WWOX: variants seen among roughly 807,000 people sequenced by gnomAD.
The protein encoded by WWOX is WW domain-containing oxidoreductase.
A neutral mutation model predicts 46.2 loss-of-function variants in WWOX; 69 were observed. The ratio of observed to expected loss-of-function variants is 1.49; its 90% CI spans 1.23 to 1.82. The LOEUF (loss-of-function observed/expected upper bound fraction) is 1.82. Among genes scored for constraint, WWOX ranks in the 40% most tolerant of loss-of-function variants. The pLI, the probability that WWOX is intolerant of heterozygous loss-of-function variation, is 0.00. For synonymous variants in WWOX, 359 were observed against 202.6 expected, an observed-to-expected ratio of 1.77 and a Z score of -6.56; for missense variants, 919 against 542.6, an observed-to-expected ratio of 1.69 and a Z score of -6.89.
At chr16:78,446,777 C>G (rs770529709) in intron 8 of WWOX, among the ~76,000 whole-genome samples, 4 of 149,102 alleles carry the variant, frequency 2.7e-5, no homozygotes, top group African/African-American at 9.9e-5. Flanking sequence ...TCTCCAGTCT[C>G]AGCCTCCTCA....
At chr16:78,240,341 A>T (rs1042517320) in intron 5 of WWOX, among the ~76,000 whole-genome samples, 1 of 151,978 alleles carries the variant, frequency 6.6e-6, no homozygotes, top group African/African-American at 2.4e-5. Flanking sequence ...CAAAAGACAA[A>T]ACAGAAAAAG....
intron 8 of WWOX, among the ~76,000 whole-genome samples, chr16:79,183,151 A>G (rs886926043): frequency 3.9e-5 from 6 of 152,240 alleles, no homozygotes; most frequent in Admixed American, 1.3e-4. Context: ...CGAGGGGAGA[A>G]GGCGTGAGCA....
At chr16:78,263,384 C>T (rs1795033673) in intron 5 of WWOX, among the ~76,000 whole-genome samples, 1 of 152,134 alleles carries the variant, frequency 6.6e-6, no homozygotes, top group Admixed American at 6.5e-5. Flanking sequence ...TGTGCTCACC[C>T]CTTAATTCAG....
Position 79,212,075 on chromosome 16 carries a change from C to T in WWOX, c.*279C>T, listed in dbSNP as rs140398425. On this transcript the variant is annotated 3_prime_UTR_variant, in exon 9 of 9. Coordinates refer to ENST00000566780, the MANE Select transcript of WWOX (RefSeq NM_016373.4). ...AAAAACCTGCTTGGTGTGTAGGTTC[C>T]GTATCTCCCTGGAGAAGCACCAGCA... 156 of 1,536,374 alleles carry T rather than the reference C, an allele frequency of 1.0e-4. No individual in the cohort carries two copies. The highest frequency in any genetic ancestry group is 6.7e-4 in the Middle Eastern group (4 of 5,992).
At chr16:78,947,116 G>GA (rs1232739272) in intron 8 of WWOX, among the ~76,000 whole-genome samples, 3 of 149,318 alleles carry the variant, frequency 2.0e-5, no homozygotes, top group Admixed American at 6.6e-5. Context: ...AAAAAAAAGA[G>GA]GGGGAAAAAG....
chr16:78,440,687 G>C (rs1489139318), intron 8 of WWOX, among the ~76,000 whole-genome samples: 4 of 151,582 alleles, frequency 2.6e-5, no homozygotes, highest in Admixed American at 2.6e-4. Context: ...CACAATCCCG[G>C]CTCACTGCAA....
chr16:78,586,133 G>A (rs186441161), intron 8 of WWOX, among the ~76,000 whole-genome samples: 13 of 152,174 alleles, frequency 8.5e-5, no homozygotes, highest in Admixed American at 3.3e-4. Context: ...GAGGTGGGAG[G>A]ATTGTTTGAG....
intron 8 of WWOX, among the ~76,000 whole-genome samples, chr16:78,843,388 T>G (rs1043696447): frequency 6.7e-6 from 1 of 150,150 alleles, no homozygotes; most frequent in African/African-American, 2.4e-5. Context: ...CCTGTTTTGT[T>G]GACTTAACAA....
chr16:79,085,848 C>G (rs868720396), intron 8 of WWOX, among the ~76,000 whole-genome samples: 3 of 152,044 alleles, frequency 2.0e-5, no homozygotes, highest in South Asian at 2.1e-4. Context: ...GAGTTCAAGT[C>G]CAGCCTGGGC....
At chr16:79,029,210 T>G (rs1224812575) in intron 8 of WWOX, among the ~76,000 whole-genome samples, 2 of 152,148 alleles carry the variant, frequency 1.3e-5, no homozygotes, top group African/African-American at 2.4e-5. Flanking sequence ...ACAGGAGACC[T>G]TTGCCCCACC....
chr16:79,103,861 T>C (rs116018246), intron 8 of WWOX, among the ~76,000 whole-genome samples: 2,336 of 152,248 alleles, frequency 0.015, 61 homozygotes, highest in African/African-American at 0.053. Flanking sequence ...CATCTGCCTG[T>C]AGATACACTC....
chr16:78,139,078 G>T (rs1164415304), intron 4 of WWOX, among the ~76,000 whole-genome samples: 1 of 152,020 alleles, frequency 6.6e-6, no homozygotes, highest in African/African-American at 2.4e-5. Context: ...GTGGCGCATA[G>T]ACAGGCTAAA....
chr16:78,422,844 T>TATACAC (rs1275255392), intron 6 of WWOX, among the ~76,000 whole-genome samples: 9 of 105,112 alleles, frequency 8.6e-5, no homozygotes, highest in African/African-American at 4.4e-4. Flanking sequence ...TATATACATA[T>TATACAC]ACACACACAC....
intron 5 of WWOX, among the ~76,000 whole-genome samples, chr16:78,248,904 A>G (rs1235461775): frequency 8.2e-6 from 1 of 122,190 alleles, no homozygotes; most frequent in Non-Finnish European, 1.6e-5. Flanking sequence ...GTCTTGCTCC[A>G]TCACCAGGCT....
At chr16:78,886,228 C>CTTT (rs34466755) in intron 8 of WWOX, among the ~76,000 whole-genome samples, 1 of 142,976 alleles carries the variant, frequency 7.0e-6, no homozygotes. Context: ...CCTGACTGTA[C>CTTT]TTTTTTTTTT....
At position 78,591,148 on chromosome 16, in the gene WWOX, C is replaced by A. The variant is rs972169212; in HGVS notation, c.1056+158396C>A. Among the ~76,000 whole-genome samples the A allele has an allele frequency of 2.6e-5, 4 of 152,264 alleles. 1 individual carries two copies. Among genetic ancestry groups the A allele is most frequent in the Admixed American group, 2.6e-4 (4 of 15,296 alleles). Reference sequence around the variant, plus strand: ...CAGCTTTTCCCTCAGTTTCACCCCCCTTTCTCCCTTTTTCAAGATGGTTTT... The same window carrying A: ...CAGCTTTTCCCTCAGTTTCACCCCCATTTCTCCCTTTTTCAAGATGGTTTT... On this transcript the variant is annotated intron_variant, in intron 8 of 8. Coordinates refer to ENST00000566780, the MANE Select transcript of WWOX (RefSeq NM_016373.4).
intron 8 of WWOX, among the ~76,000 whole-genome samples, chr16:78,771,034 A>G (rs2050051433): frequency 6.6e-6 from 1 of 152,240 alleles, no homozygotes. Flanking sequence ...TTCTAGGCAG[A>G]AGGAACCGCA....
chr16:79,010,318 G>C (rs1414275437), intron 8 of WWOX, among the ~76,000 whole-genome samples: 1 of 152,162 alleles, frequency 6.6e-6, no homozygotes. Flanking sequence ...GCTGAGGGAA[G>C]GTGCCTCAGG....
intron 4 of WWOX, among the ~76,000 whole-genome samples, chr16:78,157,471 T>C (rs771977115): frequency 7.9e-5 from 12 of 152,300 alleles, no homozygotes; most frequent in Middle Eastern, 3.4e-3. Flanking sequence ...CTTTAAAGGT[T>C]GGAGATACAG....
Sources: allele counts gnomAD v4.1 joint callset (sites outside exome capture counted in the v4.1 genomes callset), GRCh38; gene constraint gnomAD v4.1.1; transcripts MANE v1.5; gene names NCBI Gene and HGNC (gene_info 2026-07-23, HGNC 2026-07-21).